Variants in SOCS5 observed in about 807,000 individuals in gnomAD.
SOCS5 encodes the protein CIS-6.
In SOCS5, 32 loss-of-function variants were observed where a neutral mutation model predicts 42.8. That is an observed-to-expected ratio of 0.75 (90% CI 0.56 to 1.01). The LOEUF is 1.01. Ranked by LOEUF, SOCS5 falls within the 50% of genes least tolerant of loss-of-function variation. SOCS5 has a pLI of 0.00. For missense variants in SOCS5, 627 were observed against 653.0 expected (o/e 0.96, Z 0.43); for synonymous variants, 283 against 229.6 (o/e 1.23, Z -2.10).
At chr2:46,738,308 C>A (rs1334324392) in intron 1 of SOCS5, among the ~76,000 whole-genome samples, 4 of 152,032 alleles carry the variant, frequency 2.6e-5, no homozygotes, top group African/African-American at 7.2e-5. Context: ...AGACAAAAAT[C>A]TGGACAAAGT....
intron 1 of SOCS5, among the ~76,000 whole-genome samples, chr2:46,714,265 G>T (rs1408703813): frequency 2.0e-5 from 3 of 152,132 alleles, no homozygotes; most frequent in Non-Finnish European, 1.5e-5. Flanking sequence ...TTTTGGATTT[G>T]TCTGTTTCTT....
chr2:46,746,658 A>AG, intron 1 of SOCS5, among the ~76,000 whole-genome samples: 1 of 152,024 alleles, frequency 6.6e-6, no homozygotes, highest in East Asian at 1.9e-4. Flanking sequence ...AAAAAAAAAA[A>AG]AGATCCCATC....
At chr2:46,703,246 C>T (rs574281313) in intron 1 of SOCS5, among the ~76,000 whole-genome samples, 1 of 152,266 alleles carries the variant, frequency 6.6e-6, no homozygotes, top group East Asian at 1.9e-4. Flanking sequence ...CTCAGGCAGG[C>T]ATGCTGTTGG....
chr2:46,740,518 A>G (rs1440622325), intron 1 of SOCS5, among the ~76,000 whole-genome samples: 1 of 152,254 alleles, frequency 6.6e-6, no homozygotes, highest in African/African-American at 2.4e-5. Context: ...TGGAAGCAGA[A>G]TTTGAAAAAT....
chr2:46,739,712 A>T (rs1011978150), intron 1 of SOCS5, among the ~76,000 whole-genome samples: 48 of 152,218 alleles, frequency 3.2e-4, no homozygotes, highest in African/African-American at 1.1e-3. Context: ...TTTCTCTTTA[A>T]ACTTTTACCA....
chr2:46,726,513 T>G (rs1250551829), intron 1 of SOCS5, among the ~76,000 whole-genome samples: 1 of 152,168 alleles, frequency 6.6e-6, no homozygotes, highest in Non-Finnish European at 1.5e-5. Flanking sequence ...TTTTCTCCAT[T>G]GCTGTCTTTC....
At chr2:46,715,522 G>A (rs568982526) in intron 1 of SOCS5, among the ~76,000 whole-genome samples, 1 of 152,044 alleles carries the variant, frequency 6.6e-6, no homozygotes, top group East Asian at 1.9e-4. Context: ...ATTTCCTGTA[G>A]TTCAACATTC....
intron 1 of SOCS5, among the ~76,000 whole-genome samples, chr2:46,713,478 A>G (rs146468090): frequency 7.9e-5 from 12 of 152,318 alleles, no homozygotes; most frequent in Admixed American, 1.3e-4. Context: ...TTATGAAACA[A>G]TATTTCCTTT....
At chr2:46,749,172 C>T (rs1041881773) in intron 1 of SOCS5, among the ~76,000 whole-genome samples, 10 of 152,242 alleles carry the variant, frequency 6.6e-5, no homozygotes, top group East Asian at 1.9e-4. Context: ...GTTTGCCTAA[C>T]GGAAGTAGTC....
intron 1 of SOCS5, among the ~76,000 whole-genome samples, chr2:46,752,504 A>G (rs1430364511): frequency 6.6e-6 from 1 of 152,126 alleles, no homozygotes; most frequent in African/African-American, 2.4e-5. Flanking sequence ...TATCTTTATT[A>G]TATATGTATG....
intron 1 of SOCS5, among the ~76,000 whole-genome samples, chr2:46,732,394 G>T (rs956558008): frequency 1.1e-4 from 16 of 152,272 alleles, no homozygotes; most frequent in African/African-American, 3.9e-4. Flanking sequence ...AGTGTAAGTA[G>T]AGGGAGGGCA....
At position 46,759,114 on chromosome 2, in the gene SOCS5, G is replaced by C. The variant is rs371647609; in HGVS notation, c.584G>C (p.Ser195Thr). ...TTGTGTTTTCCCATGAGAACTTACA[G>C]CAAGCAGTCAAAGCCTCTCTTTTCC... ...VGLCFPMRTY[S>T]KQSKPLFSNK... The change falls in exon 2 of 2, where the codon AGC becomes ACC. Residue 195 changes from serine to threonine, a missense_variant. By Grantham distance (58) the Ser-to-Thr change is moderately conservative. Transcript: ENST00000394861. 1.9e-6 allele frequency: 3 copies of C among 1,613,824 alleles called. No individual in the cohort carries two copies. Among genetic ancestry groups the C allele is most frequent in the African/African-American group, 2.7e-5 (2 of 74,928 alleles).
intron 1 of SOCS5, among the ~76,000 whole-genome samples, chr2:46,730,151 T>C (rs948092321): frequency 2.0e-5 from 3 of 152,154 alleles, no homozygotes; most frequent in Non-Finnish European, 4.4e-5. Context: ...CATGACTGTA[T>C]ATGTAAAGAA....
intron 1 of SOCS5, among the ~76,000 whole-genome samples, chr2:46,714,425 C>T (rs1018880597): frequency 4.6e-5 from 7 of 152,296 alleles, no homozygotes; most frequent in African/African-American, 1.7e-4. Context: ...TTCCGTTGTT[C>T]TGAAGTCTCT....
chr2:46,723,970 C>T (rs1361588081), intron 1 of SOCS5, among the ~76,000 whole-genome samples: 1 of 151,916 alleles, frequency 6.6e-6, no homozygotes, highest in Non-Finnish European at 1.5e-5. Context: ...ACTAAAGAAG[C>T]TCTTGTACAT....
intron 1 of SOCS5, among the ~76,000 whole-genome samples, chr2:46,745,994 T>C (rs796607151): frequency 8.5e-5 from 13 of 152,268 alleles, no homozygotes; most frequent in African/African-American, 2.6e-4. Flanking sequence ...TTTGCTGTAC[T>C]TTTTCTTCCC....
chr2:46,749,855 A>G (rs1334447076), intron 1 of SOCS5, among the ~76,000 whole-genome samples: 2 of 152,210 alleles, frequency 1.3e-5, no homozygotes, highest in African/African-American at 4.8e-5. Context: ...GATACTGTAC[A>G]TAGGAAAGTG....
chr2:46,732,070 G>C (rs139925312), intron 1 of SOCS5, among the ~76,000 whole-genome samples: 53 of 152,298 alleles, frequency 3.5e-4, no homozygotes, highest in Non-Finnish European at 6.8e-4. Context: ...TATATGTGTT[G>C]TGTATTCCTA....
chr2:46,719,978 C>G (rs1197095664), intron 1 of SOCS5, among the ~76,000 whole-genome samples: 1 of 152,112 alleles, frequency 6.6e-6, no homozygotes. Context: ...TATTAAGAAA[C>G]AATATCAAGC....
Sources: allele counts gnomAD v4.1 joint callset (sites outside exome capture counted in the v4.1 genomes callset), GRCh38; gene constraint gnomAD v4.1.1; transcripts MANE v1.5; gene names NCBI Gene and HGNC (gene_info 2026-07-23, HGNC 2026-07-21).